TTLL3: variants seen among roughly 807,000 people sequenced by gnomAD.
TTLL3 encodes the protein tubulin monoglycylase TTLL3.
A neutral mutation model predicts 75.2 loss-of-function variants in TTLL3; 63 were observed. That is an observed-to-expected ratio of 0.84 (90% CI 0.68 to 1.03). The LOEUF is 1.03. TTLL3 is among the 50% of genes least tolerant of loss of function. The probability of loss-of-function intolerance (pLI) is 0.00; values close to 1 mark genes in which losing one functional copy is unlikely to be tolerated. For missense variants in TTLL3, 997 were observed against 1,069.9 expected (o/e 0.93, Z 0.95); for synonymous variants, 393 against 418.5 (o/e 0.94, Z 0.74).
rs182433103 is a variant in TTLL3 at position 9,833,804 on chromosome 3, G to A, written c.1825+559G>A. ...TGCAGTGAGTTATGATCGCACCTCT[G>A]CACTCCAGCCTGGGAGACAGAGCGA... On this transcript the variant is annotated intron_variant, in intron 12 of 13. Transcript: ENST00000685419. Among the ~76,000 whole-genome samples the A allele has an allele frequency of 7.7e-3, 1,165 of 152,188 alleles. 9 individuals are homozygous for A. Among genetic ancestry groups the A allele is most frequent in the Non-Finnish European group, 0.013 (856 of 68,010 alleles).
At chr3:9,828,803 C>T in intron 10 of TTLL3, 157 bp from the exon 11 acceptor site, 1 of 941,582 alleles carries the variant, frequency 1.1e-6, no homozygotes, top group Non-Finnish European at 1.6e-6. Flanking sequence ...TGGTGGGGCC[C>T]AGGCCTCTGT....
chr3:9,816,718 T>C (rs1010394462), intron 5 of TTLL3, among the ~76,000 whole-genome samples: 5 of 151,986 alleles, frequency 3.3e-5, no homozygotes, highest in African/African-American at 1.2e-4. Context: ...GGTTTCACCA[T>C]GTTGGTGACC....
rs191522116 is a variant in TTLL3, at chr3:9,817,955, G to C, written c.559+196G>C. 490 of 696,256 alleles carry C rather than the reference G, an allele frequency of 7.0e-4. 1 individual carries two copies. Among genetic ancestry groups the C allele is most frequent in the Admixed American group, 1.4e-3 (46 of 32,710 alleles). The allele number at this position is 696,256 out of a possible 1,614,324, so 43.1% of individuals were successfully genotyped here. On this transcript the variant is annotated intron_variant, in intron 6 of 13. Transcript: ENST00000685419. ...TAAGCCTCTTAGCTTGGTCAACTCT[G>C]ACCTCCAGAAAAGCTTGGGTAGCTT...
At chr3:9,821,630 A>G (rs1377903803) in intron 8 of TTLL3, among the ~76,000 whole-genome samples, 1 of 152,234 alleles carries the variant, frequency 6.6e-6, no homozygotes, top group African/African-American at 2.4e-5. Flanking sequence ...TCTTTTCTAA[A>G]TGCCAGGACA....
intron 8 of TTLL3, 154 bp downstream of exon 8, chr3:9,820,895 G>A (rs2080350209): frequency 1.5e-6 from 2 of 1,326,166 alleles, no homozygotes; most frequent in African/African-American, 1.5e-5. Context: ...CTGCCTCCGT[G>A]ATAGGGTCTG....
At chr3:9,814,269 G>A (rs1256686208) in intron 4 of TTLL3, among the ~76,000 whole-genome samples, 2 of 152,066 alleles carry the variant, frequency 1.3e-5, no homozygotes, top group African/African-American at 2.4e-5. Context: ...CCAGGAGGTG[G>A]AAGTTGCAGT....
chr3:9,814,790 C>T (rs2079676499), intron 4 of TTLL3, among the ~76,000 whole-genome samples: 1 of 152,054 alleles, frequency 6.6e-6, no homozygotes, highest in Non-Finnish European at 1.5e-5. Flanking sequence ...CACTGCACTT[C>T]AGCCTGGGTG....
At position 9,835,728 on chromosome 3, in the gene TTLL3, A is replaced by G. The variant is rs1046391788; in HGVS notation, c.*239A>G. The G allele has an allele frequency of 2.1e-6, 1 of 486,762 alleles. No homozygotes were observed. Among genetic ancestry groups the G allele is most frequent in the Non-Finnish European group, 3.6e-6 (1 of 277,712 alleles). 30.2% of individuals were successfully genotyped at this position (486,762 alleles called of 1,614,324 possible). A position where few individuals can be genotyped will look rare whatever the true frequency, so the allele number is the denominator to read the frequency against. ...ACTGCCGAGCACTGGGAGCCCCCCAACCCCAGAGAACAAGCCAAGCTAGCA... is the reference window on the plus strand; with the variant it reads ...ACTGCCGAGCACTGGGAGCCCCCCAGCCCCAGAGAACAAGCCAAGCTAGCA... On this transcript the variant is annotated 3_prime_UTR_variant, in exon 14 of 14. Transcript: ENST00000685419.
At chr3:9,810,120 G>A, upstream of TTLL3, 1 of 1,467,388 alleles carries the variant, frequency 6.8e-7, no homozygotes, top group Non-Finnish European at 9.0e-7. The surrounding 1 kb of genome is among the most constrained non-coding windows in gnomAD (Gnocchi z 4.4). Flanking sequence ...ACTGGCTGCG[G>A]AAGCCGCAGC....
chr3:9,819,866 G>T, intron 7 of TTLL3: 1 of 985,598 alleles, frequency 1.0e-6, no homozygotes, highest in Non-Finnish European at 1.2e-6. Context: ...GGCCTCGGGT[G>T]TGGCCAGAGA....
At chr3:9,820,855 G>A in intron 8 of TTLL3, 114 bp downstream of exon 8, 1 of 1,469,040 alleles carries the variant, frequency 6.8e-7, no homozygotes, top group Non-Finnish European at 9.0e-7. Flanking sequence ...TTACCCCGCT[G>A]TTCTGCTCAG....
chr3:9,825,411 T>G, intron 8 of TTLL3: 6 of 272,976 alleles, frequency 2.2e-5, no homozygotes, highest in South Asian at 6.7e-5. Context: ...CTTGAGGGCA[T>G]TCGTGAAAAT....
rs745734243 is a variant in TTLL3 at position 9,817,639 on chromosome 3, C to A, written c.445-6C>A. ...TGCCCTGCCCTCTCAGTGGCTAACT[C>A]CGTAGGTGGGTCTATGTCTCAATCT... On this transcript the variant is annotated splice_region_variant and splice_polypyrimidine_tract_variant and intron_variant, in intron 5 of 13. Coordinates refer to ENST00000685419, the MANE Select transcript of TTLL3 (RefSeq NM_001387446.1). 1 of 1,614,006 alleles carries A rather than the reference C, an allele frequency of 6.2e-7. No homozygotes were observed. Among genetic ancestry groups the A allele is most frequent in the East Asian group, 2.2e-5 (1 of 44,880 alleles).
chr3:9,812,693 C>T (rs1188771366), intron 2 of TTLL3: 3 of 345,074 alleles, frequency 8.7e-6, no homozygotes, highest in Non-Finnish European at 1.5e-5. Context: ...AATAAAAACA[C>T]ACAGTATTGT....
At chr3:9,818,004 T>C in intron 6 of TTLL3, 1 of 464,358 alleles carries the variant, frequency 2.2e-6, no homozygotes. Context: ...GAGCAGGTTC[T>C]AAAAGTTGGT....
intron 4 of TTLL3, among the ~76,000 whole-genome samples, chr3:9,815,823 G>T (rs1451616269): frequency 6.6e-6 from 1 of 152,258 alleles, no homozygotes; most frequent in Non-Finnish European, 1.5e-5. Context: ...ACAAAGGGAG[G>T]CAGAAGAGAG....
chr3:9,835,168 A>C lies in TTLL3; in HGVS notation c.2127A>C (p.Gln709His). The change falls in exon 14 of 14, where the codon CAA becomes CAC. Residue 709 changes from glutamine to histidine, a missense_variant. Transcript: ENST00000685419. ...GCCTCTGCCCTTTGAAGTCGGAACA[A>C]TTCCTAGCACCTGTCGGAAGGTCAA... The part of the protein sequence containing the change: ...PCCLCPLKSE[Q>H]FLAPVGRSRP... 1 of 1,614,158 alleles carries C rather than the reference A, an allele frequency of 6.2e-7. No individual in the cohort carries two copies. Among genetic ancestry groups the C allele is most frequent in the Non-Finnish European group, 8.5e-7 (1 of 1,180,024 alleles).
intron 2 of TTLL3, among the ~76,000 whole-genome samples, chr3:9,812,408 G>A (rs1340088282): frequency 1.3e-5 from 2 of 152,166 alleles, no homozygotes; most frequent in Non-Finnish European, 2.9e-5. Context: ...CCAGCTACTG[G>A]GGAGGCTGAG....
intron 12 of TTLL3, chr3:9,834,404 G>T (rs116175378): frequency 4.7e-6 from 3 of 639,580 alleles, no homozygotes; most frequent in East Asian, 3.2e-5. Context: ...AGCAAGGTAG[G>T]TGCTATTATC....
Sources: allele counts gnomAD v4.1 joint callset (sites outside exome capture counted in the v4.1 genomes callset), GRCh38; gene constraint gnomAD v4.1.1; non-coding constraint Gnocchi (gnomAD v3.1); transcripts MANE v1.5; gene names NCBI Gene and HGNC (gene_info 2026-07-23, HGNC 2026-07-21).